Variants in DGKI observed in about 807,000 individuals in gnomAD.
The protein encoded by DGKI is diacylglycerol kinase iota, also known as DAG kinase iota.
In DGKI, 55 loss-of-function variants were observed where a neutral mutation model predicts 147.5. That is an observed-to-expected ratio of 0.37 (90% CI 0.30 to 0.47). The LOEUF is 0.47. DGKI is among the 20% of genes least tolerant of loss of function. The probability of loss-of-function intolerance (pLI) is 1.00; values close to 1 mark genes in which losing one functional copy is unlikely to be tolerated. For missense variants in DGKI, 1,007 were observed against 1,323.8 expected (o/e 0.76, Z 3.71); for synonymous variants, 469 against 477.1 (o/e 0.98, Z 0.22).
intron 21 of DGKI, among the ~76,000 whole-genome samples, chr7:137,508,598 T>C (rs986670744): frequency 6.6e-6 from 1 of 152,088 alleles, no homozygotes; most frequent in African/African-American, 2.4e-5. Context: ...AACTTTCCAT[T>C]GTAAATCCTT....
At chr7:137,628,648 G>C (rs965676836) in intron 6 of DGKI, among the ~76,000 whole-genome samples, 2 of 152,158 alleles carry the variant, frequency 1.3e-5, no homozygotes, top group South Asian at 4.1e-4. Flanking sequence ...CCGTCAAAGA[G>C]GAAAATAGGG....
At chr7:137,454,258 T>C (rs9692184) in intron 27 of DGKI, among the ~76,000 whole-genome samples, 1 of 152,318 alleles carries the variant, frequency 6.6e-6, no homozygotes, top group East Asian at 1.9e-4. Flanking sequence ...ATTAGTCAAT[T>C]AAAAAGTCTA....
chr7:137,779,118 G>A lies in DGKI; in HGVS notation c.401+67344C>T, dbSNP rs143064195. On this transcript the variant is annotated intron_variant, in intron 1 of 32. Transcript: ENST00000614521. ...TTGAAATTTACTTTAAACCTACAGG[G>A]TGTTATTGGCATAAAGATAGAAAAA... is the stretch of plus-strand genomic sequence containing the variant. Among the ~76,000 whole-genome samples the A allele has an allele frequency of 8.5e-5, 13 of 152,230 alleles. No individual in the cohort carries two copies. In the East Asian group the frequency reaches 1.9e-3, roughly 23 times the overall value.
At chr7:137,542,146 A>G (rs1462655428) in intron 20 of DGKI, among the ~76,000 whole-genome samples, 1 of 152,186 alleles carries the variant, frequency 6.6e-6, no homozygotes, top group Non-Finnish European at 1.5e-5. Context: ...GAGCAACTGG[A>G]ATGATCATAT....
chr7:137,723,428 C>T (rs909303341), intron 1 of DGKI, among the ~76,000 whole-genome samples: 2 of 152,164 alleles, frequency 1.3e-5, no homozygotes, highest in Non-Finnish European at 2.9e-5. Flanking sequence ...AATCAAAAAC[C>T]AATTCCCTTG....
In DGKI at chr7:137,656,498, C is replaced by G. The variant is rs34367207; in HGVS notation, c.649G>C (p.Val217Leu). The change falls in exon 4 of 33, where the codon GTC (valine) becomes CTC (leucine). Residue 217 changes from valine (V) to leucine (L), a missense_variant. Val to Leu is a conservative substitution (Grantham distance 32, BLOSUM62 1). Transcript: ENST00000614521. ...AGCTGCTCAATGCAGGCGGTGTGGA[C>G]GACGATTTTACAGACTGCACACTTC... ...RRKCAVCKIVVHTACIEQLEK... is the reference protein window; with the variant it reads ...RRKCAVCKIVLHTACIEQLEK... The G allele has an allele frequency of 3.1e-6, 5 of 1,613,858 alleles. No homozygotes were observed. The highest frequency in any genetic ancestry group is 3.3e-5 in the Admixed American group (2 of 59,992).
At chr7:137,511,133 T>C (rs970775305) in intron 21 of DGKI, among the ~76,000 whole-genome samples, 7 of 152,262 alleles carry the variant, frequency 4.6e-5, no homozygotes, top group Admixed American at 1.3e-4. Flanking sequence ...CAGATTAGCT[T>C]ACACTTCCGC....
At chr7:137,484,245 T>C (rs2128935006) in intron 23 of DGKI, among the ~76,000 whole-genome samples, 1 of 152,186 alleles carries the variant, frequency 6.6e-6, no homozygotes, top group South Asian at 2.1e-4. Flanking sequence ...GTAGGGGGAA[T>C]ACCTAGAAGG....
intron 19 of DGKI, among the ~76,000 whole-genome samples, chr7:137,566,876 C>T (rs1818602976): frequency 8.9e-6 from 1 of 112,422 alleles, no homozygotes; most frequent in Non-Finnish European, 1.6e-5. Flanking sequence ...AGATAAAACA[C>T]AGTGTATTTC....
intron 28 of DGKI, among the ~76,000 whole-genome samples, chr7:137,438,617 G>C (rs1176919824): frequency 6.6e-6 from 1 of 152,032 alleles, no homozygotes; most frequent in Non-Finnish European, 1.5e-5. Flanking sequence ...ACAAAAAAGA[G>C]AATGTTCATA....
At chr7:137,560,407 C>T (rs1818379024) in intron 19 of DGKI, among the ~76,000 whole-genome samples, 1 of 152,092 alleles carries the variant, frequency 6.6e-6, no homozygotes, top group Admixed American at 6.5e-5. Flanking sequence ...TAAAAATATT[C>T]CTAGTTCGTT....
At chr7:137,478,279 C>T (rs1371920451) in intron 23 of DGKI, among the ~76,000 whole-genome samples, 1 of 152,138 alleles carries the variant, frequency 6.6e-6, no homozygotes. Context: ...GAATATCAGA[C>T]AGGAATTCAC....
chr7:137,757,100 C>T (rs1458407124), intron 1 of DGKI, among the ~76,000 whole-genome samples: 2 of 151,914 alleles, frequency 1.3e-5, no homozygotes, highest in Admixed American at 6.6e-5. Flanking sequence ...GCATGAAAGC[C>T]GCCCCTGACT....
intron 19 of DGKI, among the ~76,000 whole-genome samples, chr7:137,569,265 G>A (rs780288361): frequency 1.1e-4 from 16 of 152,118 alleles, no homozygotes; most frequent in Non-Finnish European, 2.2e-4. Flanking sequence ...TTGTCATCTT[G>A]CAGACAATCC....
At chr7:137,719,779 G>C (rs1051007677) in intron 1 of DGKI, among the ~76,000 whole-genome samples, 1 of 151,594 alleles carries the variant, frequency 6.6e-6, no homozygotes. Context: ...TTTTTTTTAA[G>C]GTTTTCTGCC....
chr7:137,606,015 C>T (rs1292167109), intron 10 of DGKI, among the ~76,000 whole-genome samples: 3 of 152,132 alleles, frequency 2.0e-5, no homozygotes, highest in Admixed American at 6.5e-5. Flanking sequence ...GTGCTAAATA[C>T]ACTAACTTGC....
chr7:137,528,512 G>A (rs1287674634), intron 20 of DGKI, among the ~76,000 whole-genome samples: 16 of 152,148 alleles, frequency 1.1e-4, no homozygotes, highest in Admixed American at 1.0e-3. Flanking sequence ...ACCTTCAGAG[G>A]TTATTAATTC....
intron 11 of DGKI, 97 bp from the exon 12 acceptor site, chr7:137,598,004 C>T: frequency 9.6e-7 from 1 of 1,036,684 alleles, no homozygotes; most frequent in Non-Finnish European, 1.5e-6. Flanking sequence ...GGGGTGGTGT[C>T]CGCTGGAGAA....
intron 8 of DGKI, among the ~76,000 whole-genome samples, chr7:137,610,469 G>C (rs1258101401): frequency 6.6e-6 from 1 of 152,010 alleles, no homozygotes; most frequent in Non-Finnish European, 1.5e-5. Context: ...CCTGTCATAG[G>C]GATCAGTCAC....
Sources: allele counts gnomAD v4.1 joint callset (sites outside exome capture counted in the v4.1 genomes callset), GRCh38; gene constraint gnomAD v4.1.1; transcripts MANE v1.5; gene names NCBI Gene and HGNC (gene_info 2026-07-23, HGNC 2026-07-21).